The following UBE2U variants were observed in gnomAD, a reference collection of about 807,000 sequenced individuals.
The protein encoded by UBE2U is ubiquitin conjugating enzyme E2 U.
In UBE2U, 39 loss-of-function variants were observed where a neutral mutation model predicts 41.2. The observed-to-expected ratio is 0.95, with a 90% CI of 0.73 to 1.24. The LOEUF (loss-of-function observed/expected upper bound fraction) is 1.24, where lower values mean the gene tolerates loss of function less well. Among genes scored for constraint, UBE2U ranks in the 50% most tolerant of loss-of-function variants. The probability of loss-of-function intolerance (pLI) is 0.00; values close to 1 mark genes in which losing one functional copy is unlikely to be tolerated. For synonymous variants in UBE2U, 107 were observed against 117.8 expected (o/e 0.91, Z 0.60); for missense variants, 336 against 363.1 (o/e 0.93, Z 0.61).
intron 6 of UBE2U, among the ~76,000 whole-genome samples, chr1:64,225,498 G>A (rs1364264741): frequency 1.3e-5 from 2 of 152,234 alleles, no homozygotes; most frequent in East Asian, 3.8e-4. Context: ...TTTAGGAAAA[G>A]GAGAGACAGA....
chr1:64,253,924 A>T (rs1157881184), intron 8 of UBE2U, among the ~76,000 whole-genome samples: 1 of 152,182 alleles, frequency 6.6e-6, no homozygotes, highest in African/African-American at 2.4e-5. Flanking sequence ...TACTAATCTT[A>T]AATGCAAATG....
At chr1:64,265,510 C>T (rs1645242382) in intron 9 of UBE2U, among the ~76,000 whole-genome samples, 1 of 152,156 alleles carries the variant, frequency 6.6e-6, no homozygotes, top group Non-Finnish European at 1.5e-5. Flanking sequence ...AATTAAAAAT[C>T]ACTGTGGGCC....
intron 9 of UBE2U, among the ~76,000 whole-genome samples, chr1:64,262,066 T>C (rs1645187319): frequency 6.6e-6 from 1 of 152,170 alleles, no homozygotes; most frequent in African/African-American, 2.4e-5. Flanking sequence ...TGGGTCATGA[T>C]TGTTTGTTCC....
Position 64,232,545 on chromosome 1 carries a change from TTATTTA to T in UBE2U, c.507-10_507-5del. ...TTACAAACTGCCCATCGTCTGATTTTTATTTATATTTTCAGACCAATTAAAACAACC... is the reference window on the plus strand; with the variant it reads ...TTACAAACTGCCCATCGTCTGATTTTTATTTTCAGACCAATTAAAACAACC... On this transcript the variant is annotated splice_polypyrimidine_tract_variant and intron_variant, in intron 6 of 9. Coordinates refer to ENST00000371077, the MANE Select transcript of UBE2U (RefSeq NM_001366232.2). The T allele has an allele frequency of 6.3e-7, 1 of 1,597,976 alleles. No individual in the cohort carries two copies. The highest frequency in any genetic ancestry group is 2.2e-5 in the East Asian group (1 of 44,648).
In UBE2U at chr1:64,208,603, C is replaced by CAAAA. The variant is rs56972795; in HGVS notation, c.241+1787_241+1790dup. 7.1e-4 allele frequency among the ~76,000 whole-genome samples: 26 copies of CAAAA among 36,504 alleles called. 1 individual carries two copies. Among genetic ancestry groups the CAAAA allele is most frequent in the Admixed American group, 9.3e-4 (2 of 2,150 alleles). 23.9% of individuals were successfully genotyped at this position (36,504 alleles called of 152,430 possible). A position where few individuals can be genotyped will look rare whatever the true frequency, so the allele number is the denominator to read the frequency against. On this transcript the variant is annotated intron_variant, in intron 3 of 9. Transcript: ENST00000371077. ...TGGGCAACAGAACAAGACGCTGTCT[C>CAAAA]AAAAAAAAAAAAAAAAAAAAAAAAA... is the stretch of plus-strand genomic sequence containing the variant.
intron 7 of UBE2U, among the ~76,000 whole-genome samples, chr1:64,240,665 T>C (rs955755339): frequency 1.7e-4 from 26 of 152,258 alleles, no homozygotes; most frequent in African/African-American, 5.8e-4. Context: ...AAGTGCTGAA[T>C]TAGAATTTTG....
chr1:64,237,075 G>A (rs1644680208), intron 7 of UBE2U, among the ~76,000 whole-genome samples: 1 of 152,168 alleles, frequency 6.6e-6, no homozygotes. Context: ...CCATGTGCAG[G>A]TAAGTGAATT....
chr1:64,256,567 T>G (rs1645095232), intron 8 of UBE2U, among the ~76,000 whole-genome samples: 1 of 152,186 alleles, frequency 6.6e-6, no homozygotes, highest in Admixed American at 6.5e-5. Context: ...GCTAGCCATA[T>G]GCAGAAAATT....
intron 1 of UBE2U, 135 bp from the exon 2 acceptor site, chr1:64,205,504 C>G (rs1002038636): frequency 3.5e-5 from 24 of 679,440 alleles, no homozygotes; most frequent in Middle Eastern, 8.3e-4. Context: ...TTCCCCAGAG[C>G]AGCAAATAAA....
rs1028930005 is a variant in UBE2U at position 64,267,166 on chromosome 1, C to T, written c.912C>T (p.Ile304=). 4.5e-6 allele frequency: 7 copies of T among 1,544,634 alleles called. No homozygotes were observed. The highest frequency in any genetic ancestry group is 6.1e-6 in the Non-Finnish European group (7 of 1,145,632). Residue 304 remains isoleucine, a synonymous_variant, in exon 10 of 10, where the codon ATC becomes ATT. Coordinates refer to ENST00000371077, the MANE Select transcript of UBE2U (RefSeq NM_001366232.2). ...GGGAAGAGGAAGTGGAAGATCTGAT[C>T]TCCTGGACCAATACTCTCAATACAA... ...EPREEEVEDL[I]SWTNTLNTNT...
intron 6 of UBE2U, among the ~76,000 whole-genome samples, chr1:64,225,238 T>C (rs17357269): frequency 0.17 from 25,219 of 152,002 alleles, 2,747 homozygotes; most frequent in Non-Finnish European, 0.24. Context: ...ATTTGTGAAA[T>C]TGAAAGGAAA....
chr1:64,235,433 T>C (rs1208587539), intron 7 of UBE2U, among the ~76,000 whole-genome samples: 4 of 152,232 alleles, frequency 2.6e-5, no homozygotes, highest in Non-Finnish European at 5.9e-5. Context: ...CATGTGCTGC[T>C]GGCCATTTTA....
intron 3 of UBE2U, among the ~76,000 whole-genome samples, chr1:64,208,559 G>A (rs1569946877): frequency 7.8e-6 from 1 of 127,998 alleles, no homozygotes; most frequent in East Asian, 2.6e-4. Flanking sequence ...AGCCATGATT[G>A]TGCCATTGCA....
At chr1:64,220,820 C>A in intron 5 of UBE2U, 39 bp from the exon 6 acceptor site, 1 of 1,518,166 alleles carries the variant, frequency 6.6e-7, no homozygotes, top group Non-Finnish European at 9.1e-7. Flanking sequence ...TATTCAATCT[C>A]CAAGTAAACC....
intron 8 of UBE2U, among the ~76,000 whole-genome samples, chr1:64,258,432 A>G (rs1257939813): frequency 6.7e-6 from 1 of 150,322 alleles, no homozygotes; most frequent in Admixed American, 6.6e-5. Context: ...TTAACTCGTC[A>G]TTTACATTAG....
rs11580094 is a variant in UBE2U at position 64,237,744 on chromosome 1, A to G, written c.596-3908A>G. 7.9e-3 allele frequency among the ~76,000 whole-genome samples: 1,204 copies of G among 152,340 alleles called. 12 individuals are homozygous for G. Among genetic ancestry groups the G allele is most frequent in the South Asian group, 0.019 (90 of 4,830 alleles). On this transcript the variant is annotated intron_variant, in intron 7 of 9. Transcript: ENST00000371077. The stretch of plus-strand genomic sequence containing the variant: ...TTGTACAAAGTACTGTGGCATTTTC[A>G]TCTCTCAGATGATGGAGAAAGCAAT...
chr1:64,259,233 G>A (rs990635266), intron 8 of UBE2U, among the ~76,000 whole-genome samples: 5 of 152,188 alleles, frequency 3.3e-5, no homozygotes, highest in Admixed American at 6.5e-5. Context: ...CCCTTTGTCA[G>A]ATGGGTAGGT....
intron 8 of UBE2U, among the ~76,000 whole-genome samples, chr1:64,250,039 G>A (rs115187045): frequency 0.011 from 1,748 of 152,110 alleles, 35 homozygotes; most frequent in African/African-American, 0.041. Context: ...AACCCCACAT[G>A]TTACACATAA....
At chr1:64,233,066 GACGC>G (rs896645484) in intron 7 of UBE2U, among the ~76,000 whole-genome samples, 2 of 151,504 alleles carry the variant, frequency 1.3e-5, no homozygotes, top group African/African-American at 4.9e-5. Context: ...GGAGTGCAGT[GACGC>G]AATCTCAGCT....
Sources: gnomAD v4.1 joint callset for allele counts (sites outside exome capture counted in the v4.1 genomes callset) on GRCh38, gnomAD v4.1.1 for gene constraint, MANE v1.5 for transcripts, NCBI Gene and HGNC (gene_info 2026-07-23, HGNC 2026-07-21) for gene names.